Variants in KNG1 observed in about 807,000 individuals in gnomAD.
KNG1 encodes kininogen-1.
Under a neutral mutation model 47.8 loss-of-function variants are expected in KNG1, and 23 were observed. The ratio of observed to expected loss-of-function variants is 0.48; its 90% CI spans 0.35 to 0.68. The LOEUF is 0.68. KNG1 is among the 30% of genes least tolerant of loss of function. The probability of loss-of-function intolerance (pLI) is 0.01; values close to 1 mark genes in which losing one functional copy is unlikely to be tolerated. For synonymous variants in KNG1, 277 were observed against 277.0 expected, an observed-to-expected ratio of 1.00 and a Z score of 0.00; for missense variants, 762 against 790.2, an observed-to-expected ratio of 0.96 and a Z score of 0.43.
At chr3:186,730,703 T>C (rs373577273) in intron 5 of KNG1, among the ~76,000 whole-genome samples, 55 of 98,052 alleles carry the variant, frequency 5.6e-4, no homozygotes, top group African/African-American at 1.3e-3. Flanking sequence ...TATATATATA[T>C]ATATATATAT....
chr3:186,735,602 G>A (rs1407621331), intron 7 of KNG1, among the ~76,000 whole-genome samples: 1 of 151,458 alleles, frequency 6.6e-6, no homozygotes, highest in Non-Finnish European at 1.5e-5. Context: ...TGGGTGACAA[G>A]AGTGAAACTC....
At chr3:186,735,186 T>G (rs138950012) in intron 7 of KNG1, among the ~76,000 whole-genome samples, 1 of 152,138 alleles carries the variant, frequency 6.6e-6, no homozygotes, top group African/African-American at 2.4e-5. Flanking sequence ...TTCGTTGTTG[T>G]TTTTTAAGAG....
At chr3:186,736,397 G>A (rs1720670639) in intron 7 of KNG1, 1 of 152,162 alleles carries the variant, frequency 6.6e-6, no homozygotes. Flanking sequence ...TTTTAATCTT[G>A]CCTTGGGTTT....
intron 1 of KNG1, chr3:186,717,990 TCACC>T: frequency 6.1e-6 from 1 of 163,626 alleles, no homozygotes; most frequent in Non-Finnish European, 1.1e-5. Flanking sequence ...CCCACCATCA[TCACC>T]CACCACCACC....
intron 1 of KNG1, chr3:186,717,953 T>TCACCCAC: frequency 3.2e-6 from 1 of 313,132 alleles, no homozygotes. Flanking sequence ...CCCACCACCA[T>TCACCCAC]CACCCACCAC....
chr3:186,733,363 A>G (rs1720589699), intron 7 of KNG1, among the ~76,000 whole-genome samples: 1 of 152,184 alleles, frequency 6.6e-6, no homozygotes, highest in Admixed American at 6.5e-5. Flanking sequence ...TCATTATAAC[A>G]TCACATAATG....
rs1354341455 is a variant in KNG1, at chr3:186,717,476, G to A, written c.-67G>A. On this transcript the variant is annotated 5_prime_UTR_variant, in exon 1 of 10. Transcript: ENST00000644859. ...AAGAGGCTGGAGATTGTCAAATTCAGTATCCCAGTTGGCTCTTGATTCTTG... is the reference window on the plus strand; with the variant it reads ...AAGAGGCTGGAGATTGTCAAATTCAATATCCCAGTTGGCTCTTGATTCTTG... 1.1e-5 allele frequency: 13 copies of A among 1,160,086 alleles called. No individual in the cohort carries two copies. The highest frequency in any genetic ancestry group is 1.7e-5 in the Non-Finnish European group (13 of 769,024). The allele number at this position is 1,160,086 out of a possible 1,614,324, so 71.9% of individuals were successfully genotyped here. A position where few individuals can be genotyped will look rare whatever the true frequency, so the allele number is the denominator to read the frequency against.
In KNG1 at chr3:186,739,339, T is replaced by C. The variant is rs1415911647; in HGVS notation, c.1050T>C (p.Asp350=). The C allele has an allele frequency of 1.2e-6, 2 of 1,613,744 alleles. No homozygotes were observed. Among genetic ancestry groups the C allele is most frequent in the East Asian group, 4.5e-5 (2 of 44,890 alleles). The change falls in exon 9 of 10, where the codon GAT becomes GAC. Residue 350 remains aspartate (D), a synonymous_variant. Coordinates refer to ENST00000644859, the MANE Select transcript of KNG1 (RefSeq NM_001102416.3). ...CETKKLGQSL[D]CNAEVYVVPW... ...GTTTTCATGGATAGCAAAGCCTAGA[T>C]TGCAACGCTGAAGTTTATGTGGTAC...
intron 2 of KNG1, chr3:186,721,077 C>G (rs1424891659): frequency 6.6e-6 from 1 of 152,192 alleles, no homozygotes; most frequent in Non-Finnish European, 1.5e-5. Context: ...GCGTGAGCCA[C>G]CACGCCCAGC....
At chr3:186,722,907 T>C (rs774009944) in intron 3 of KNG1, among the ~76,000 whole-genome samples, 5 of 152,176 alleles carry the variant, frequency 3.3e-5, no homozygotes, top group Non-Finnish European at 7.4e-5. Flanking sequence ...TTTCCTTGTC[T>C]AGAAAAGGGA....
At position 186,720,449 on chromosome 3, in the gene KNG1, AG is replaced by A. The variant is rs1240214403; in HGVS notation, c.306+235del. Reference sequence around the variant, plus strand: ...AGCCTTTCCATGAGAAGGGGGCTCTAGTGTCCAGCCAGAACATGTGGCTCAG... The same window carrying A: ...AGCCTTTCCATGAGAAGGGGGCTCTATGTCCAGCCAGAACATGTGGCTCAG... On this transcript the variant is annotated intron_variant, in intron 2 of 9. Coordinates refer to ENST00000644859, the MANE Select transcript of KNG1 (RefSeq NM_001102416.3). 5.3e-4 allele frequency: 240 copies of A among 455,602 alleles called. 1 individual carries two copies. The highest frequency in any genetic ancestry group is 3.2e-3 in the African/African-American group (161 of 49,802). 28.2% of individuals were successfully genotyped at this position (455,602 alleles called of 1,614,324 possible). A position where few individuals can be genotyped will look rare whatever the true frequency, so the allele number is the denominator to read the frequency against.
intron 6 of KNG1, among the ~76,000 whole-genome samples, 173 bp downstream of exon 6, chr3:186,731,802 T>C (rs1172307127): frequency 3.3e-5 from 5 of 152,186 alleles, no homozygotes; most frequent in Non-Finnish European, 5.9e-5. Context: ...CGCTGCCCAG[T>C]TGTGCTGCAG....
chr3:186,725,036 C>T (rs373613303), intron 3 of KNG1, 52 bp from the exon 4 acceptor site: 14 of 1,590,136 alleles, frequency 8.8e-6, no homozygotes, highest in Middle Eastern at 1.9e-4. Flanking sequence ...GCAGTGTATG[C>T]GAATGCTGAT....
At chr3:186,736,630 A>T (rs2108633871) in intron 7 of KNG1, 1 of 152,382 alleles carries the variant, frequency 6.6e-6, no homozygotes, top group South Asian at 2.1e-4. Context: ...CACATGCAGA[A>T]ATTTTTCCTT....
At position 186,725,286 on chromosome 3, in the gene KNG1, C is replaced by A. The variant is rs2108623500; in HGVS notation, c.564+26C>A. On this transcript the variant is annotated intron_variant, in intron 4 of 9. Transcript: ENST00000644859. ...GTTTGTTCTTTAATTCTCTAAGTAG[C>A]ACAGTATTACTAAAATTTGTTAGAT... The A allele has an allele frequency of 1.9e-6, 3 of 1,600,932 alleles. No homozygotes were observed. The South Asian group carries it at 3.3e-5, about 18-fold the overall frequency.
chr3:186,721,269 T>C (rs984412522), intron 2 of KNG1: 2 of 152,218 alleles, frequency 1.3e-5, no homozygotes, highest in African/African-American at 4.8e-5. Flanking sequence ...GCAGTGCTGG[T>C]TCTCCCTTCT....
chr3:186,734,517 T>G (rs2108632005), intron 7 of KNG1: 1 of 152,248 alleles, frequency 6.6e-6, no homozygotes, highest in East Asian at 1.9e-4. Context: ...TCCCAGCACT[T>G]TGGGAGGCCG....
At chr3:186,738,337 T>C (rs1003327227) in intron 7 of KNG1, 1 of 152,174 alleles carries the variant, frequency 6.6e-6, no homozygotes, top group African/African-American at 2.4e-5. Context: ...AAATAATTTT[T>C]CTAATTACAA....
chr3:186,726,536 C>T (rs1040066914), intron 4 of KNG1, among the ~76,000 whole-genome samples: 3 of 151,448 alleles, frequency 2.0e-5, no homozygotes, highest in South Asian at 2.1e-4. Flanking sequence ...GTGTTCCTCC[C>T]GTCTCGGCCT....
Sources: allele counts gnomAD v4.1 joint callset (sites outside exome capture counted in the v4.1 genomes callset), GRCh38; gene constraint gnomAD v4.1.1; transcripts MANE v1.5; gene names NCBI Gene and HGNC (gene_info 2026-07-23, HGNC 2026-07-21).